ZNF710: variants seen among roughly 807,000 people sequenced by gnomAD.
ZNF710 encodes the protein zinc finger protein 710.
In ZNF710, 13 loss-of-function variants were observed where a neutral mutation model predicts 50.6. The observed-to-expected ratio is 0.26, with a 90% CI of 0.17 to 0.41. The LOEUF (loss-of-function observed/expected upper bound fraction) is 0.41. ZNF710 is among the 10% of genes least tolerant of loss of function. The pLI is 1.00. For synonymous variants in ZNF710, 383 were observed against 397.0 expected (o/e 0.96, Z 0.42); for missense variants, 721 against 936.6 (o/e 0.77, Z 3.01).
At position 90,040,838 on chromosome 15, in the gene ZNF710, T is replaced by A. The variant is rs1365979075; in HGVS notation, c.-28-26272T>A. ...TTCTTGATTTATCAATTTCGGACATTATCTTTTGCCTCCATATTGTTGCAA... is the reference window on the plus strand; with the variant it reads ...TTCTTGATTTATCAATTTCGGACATAATCTTTTGCCTCCATATTGTTGCAA... On this transcript the variant is annotated intron_variant, in intron 1 of 4. Transcript: ENST00000268154. This position sits in a 1 kb window ranked among gnomAD's most constrained non-coding sequence, Gnocchi z 4.6. 6.6e-6 allele frequency among the ~76,000 whole-genome samples: 1 copy of A among 152,200 alleles called. No individual in the cohort carries two copies. Among genetic ancestry groups the A allele is most frequent in the African/African-American group, 2.4e-5 (1 of 41,452 alleles).
chr15:90,054,668 T>C (rs891162425), intron 1 of ZNF710, among the ~76,000 whole-genome samples: 14 of 152,272 alleles, frequency 9.2e-5, no homozygotes, highest in African/African-American at 3.4e-4. Flanking sequence ...GTCCTATTGT[T>C]ACTTCCTTTG....
At chr15:90,019,899 A>C (rs1275962016) in intron 1 of ZNF710, among the ~76,000 whole-genome samples, 1 of 152,178 alleles carries the variant, frequency 6.6e-6, no homozygotes, top group African/African-American at 2.4e-5. Context: ...TTCCAAGAGA[A>C]TGCTCCTAAA....
intron 4 of ZNF710, 135 bp downstream of exon 4, chr15:90,074,425 G>A (rs567153593): frequency 6.5e-7 from 1 of 1,546,024 alleles, no homozygotes. Context: ...GGTCTGGAAG[G>A]GGGGTACCCT....
At chr15:90,044,271 T>C (rs544564610) in intron 1 of ZNF710, among the ~76,000 whole-genome samples, 1 of 152,272 alleles carries the variant, frequency 6.6e-6, no homozygotes, top group South Asian at 2.1e-4. Flanking sequence ...TTGGCATCCT[T>C]CCCTTCTGCC....
At chr15:90,025,420 A>G (rs1898748084) in intron 1 of ZNF710, 1 of 152,232 alleles carries the variant, frequency 6.6e-6, no homozygotes, top group South Asian at 2.1e-4. Context: ...TATGTAGACA[A>G]TCTGATAAAC....
Position 90,068,546 on chromosome 15 carries a change from T to C in ZNF710, c.1409T>C (p.Met470Thr). Residue 470 changes from methionine (M) to threonine (T), a missense_variant, in exon 2 of 5, where the codon ATG (methionine) becomes ACG (threonine). Met to Thr is a moderately conservative substitution (Grantham distance 81). Around this residue, in one of 3 missense-constraint regions of ZNF710, gnomAD observed 326 missense variants for 522.0 expected, o/e 0.62. Coordinates refer to ENST00000268154, the MANE Select transcript of ZNF710 (RefSeq NM_198526.4). The surrounding 1 kb of genome is among the most constrained non-coding windows in gnomAD (Gnocchi z 5.0). ...VRPFVCTECG[M>T]EFSQIHHLKQ... Reference sequence around the variant, plus strand: ...CCCTTCGTGTGCACTGAATGCGGCATGGAGTTCAGCCAGATTCACCACCTC... The same window carrying C: ...CCCTTCGTGTGCACTGAATGCGGCACGGAGTTCAGCCAGATTCACCACCTC... 1 of 1,610,824 alleles carries C rather than the reference T, an allele frequency of 6.2e-7. No homozygotes were observed. The highest frequency in any genetic ancestry group is 8.5e-7 in the Non-Finnish European group (1 of 1,179,864).
In ZNF710 at chr15:90,080,264, G is replaced by T. The variant is rs891506500; in HGVS notation, c.*435G>T. The T allele has an allele frequency of 1.9e-5, 3 of 160,466 alleles. No homozygotes were observed. The highest frequency in any genetic ancestry group is 4.1e-5 in the Non-Finnish European group (3 of 73,876). The allele number at this position is 160,466 out of a possible 1,614,324, so 9.9% of individuals were successfully genotyped here. A position where few individuals can be genotyped will look rare whatever the true frequency, so the allele number is the denominator to read the frequency against. On this transcript the variant is annotated 3_prime_UTR_variant, in exon 5 of 5. Coordinates refer to ENST00000268154, the MANE Select transcript of ZNF710 (RefSeq NM_198526.4). The stretch of plus-strand genomic sequence containing the variant: ...CCAACTCCTGCCTCTAAGGATGTCT[G>T]AGCTCCCCTCTGGCCAGTACTGCCC...
At chr15:90,066,541 G>A (rs1456896860) in intron 1 of ZNF710, among the ~76,000 whole-genome samples, 1 of 147,058 alleles carries the variant, frequency 6.8e-6, no homozygotes, top group Admixed American at 6.9e-5. Flanking sequence ...GCAGTGGCGC[G>A]ATCTCGGCTC....
chr15:90,058,455 T>C (rs1280345570), intron 1 of ZNF710, among the ~76,000 whole-genome samples: 1 of 151,564 alleles, frequency 6.6e-6, no homozygotes, highest in Non-Finnish European at 1.5e-5. Flanking sequence ...CAGGCAAGAG[T>C]TTCACTCTCC....
At chr15:90,020,366 C>T (rs544001293) in intron 1 of ZNF710, among the ~76,000 whole-genome samples, 53 of 152,192 alleles carry the variant, frequency 3.5e-4, no homozygotes, top group Non-Finnish European at 6.0e-4. Flanking sequence ...CTGCTACCAA[C>T]GCCCCTGCAC....
At position 90,072,973 on chromosome 15, in the gene ZNF710, T is replaced by C. The variant is rs947039018; in HGVS notation, c.1459-98T>C. ...ACATTTCCCAGAAAGTGTGCCTTTG[T>C]GATGCTATGGCCCTGCCCCTACCCG... On this transcript the variant is annotated intron_variant, in intron 2 of 4. Coordinates refer to ENST00000268154, the MANE Select transcript of ZNF710 (RefSeq NM_198526.4). 6 of 1,262,544 alleles carry C rather than the reference T, an allele frequency of 4.8e-6. No homozygotes were observed. The African/African-American group carries it at 9.0e-5, about 19-fold the overall frequency. 78.2% of individuals were successfully genotyped at this position (1,262,544 alleles called of 1,614,324 possible).
In ZNF710 at chr15:90,034,022, T is replaced by G. The variant is rs1899028672; in HGVS notation, c.-29+32408T>G. On this transcript the variant is annotated intron_variant, in intron 1 of 4. Coordinates refer to ENST00000268154, the MANE Select transcript of ZNF710 (RefSeq NM_198526.4). This position sits in a 1 kb window ranked among gnomAD's most constrained non-coding sequence, Gnocchi z 4.0. ...TTCAAGACCAGCTTGGCTAACATGGTGAAACCCTGTCTTTACTAAAAGTAC... is the reference window on the plus strand; with the variant it reads ...TTCAAGACCAGCTTGGCTAACATGGGGAAACCCTGTCTTTACTAAAAGTAC... Among the ~76,000 whole-genome samples the G allele has an allele frequency of 6.6e-6, 1 of 152,022 alleles. No homozygotes were observed. The highest frequency in any genetic ancestry group is 1.5e-5 in the Non-Finnish European group (1 of 68,010).
chr15:90,041,469 G>C (rs1899292445), intron 1 of ZNF710, among the ~76,000 whole-genome samples: 19 of 152,122 alleles, frequency 1.2e-4, no homozygotes, highest in Admixed American at 1.2e-3. Context: ...TGGGATTATA[G>C]GTATGAGCCA....
chr15:90,015,377 G>C (rs1044402246), intron 1 of ZNF710, among the ~76,000 whole-genome samples: 1 of 152,208 alleles, frequency 6.6e-6, no homozygotes, highest in African/African-American at 2.4e-5. Flanking sequence ...CTTTTATGGA[G>C]GAAATTCTGG....
intron 1 of ZNF710, among the ~76,000 whole-genome samples, chr15:90,009,474 T>C (rs1898241056): frequency 6.6e-6 from 1 of 152,046 alleles, no homozygotes; most frequent in Non-Finnish European, 1.5e-5. Flanking sequence ...AATTCAGAAC[T>C]CTTCCTGTCC....
At chr15:90,033,807 A>T (rs1284615218) in intron 1 of ZNF710, among the ~76,000 whole-genome samples, 3 of 152,186 alleles carry the variant, frequency 2.0e-5, no homozygotes, top group African/African-American at 7.2e-5. Flanking sequence ...GGTTTAAGAG[A>T]TGGCCTTCTG....
intron 1 of ZNF710, among the ~76,000 whole-genome samples, chr15:90,052,856 C>T (rs1430956949): frequency 4.6e-5 from 7 of 152,136 alleles, no homozygotes; most frequent in African/African-American, 7.2e-5. Context: ...TCGCTTGAAC[C>T]GGGGAGGCGG....
intron 1 of ZNF710, among the ~76,000 whole-genome samples, chr15:90,014,955 C>T (rs181647185): frequency 5.3e-5 from 8 of 150,062 alleles, no homozygotes; most frequent in South Asian, 2.1e-4. Context: ...TACAATGGCG[C>T]GATCTTGCCT....
At chr15:90,050,585 C>T (rs1255543511) in intron 1 of ZNF710, among the ~76,000 whole-genome samples, 1 of 152,180 alleles carries the variant, frequency 6.6e-6, no homozygotes, top group Non-Finnish European at 1.5e-5. Context: ...AGTTAAACCC[C>T]CTAACAACTC....
Sources: gnomAD v4.1 joint callset for allele counts (sites outside exome capture counted in the v4.1 genomes callset) on GRCh38, gnomAD v4.1.1 for gene constraint, gnomAD v4.1.1 regional missense constraint, Gnocchi (gnomAD v3.1) non-coding constraint, MANE v1.5 for transcripts, NCBI Gene and HGNC (gene_info 2026-07-23, HGNC 2026-07-21) for gene names.